The following PPARGC1A variants were observed in gnomAD, a reference collection of about 807,000 sequenced individuals.
PPARGC1A encodes PPARG coactivator 1 alpha.
In PPARGC1A, 25 loss-of-function variants were observed where a neutral mutation model predicts 88.7. That is an observed-to-expected ratio of 0.28 (90% CI 0.21 to 0.39). PPARGC1A has a LOEUF of 0.39. PPARGC1A is among the 10% of genes least tolerant of loss of function. The pLI, the probability that PPARGC1A is intolerant of heterozygous loss-of-function variation, is 1.00. For missense variants in PPARGC1A, 880 were observed against 968.7 expected (o/e 0.91, Z 1.22); for synonymous variants, 363 against 355.6 (o/e 1.02, Z -0.24).
chr4:24,089,500 C>A, the PPARGC1A span, among the ~76,000 whole-genome samples: 1 of 94,296 alleles, frequency 1.1e-5, no homozygotes, highest in Non-Finnish European at 2.2e-5. Flanking sequence ...CTTTTCTTTT[C>A]TTTTCTTTTC....
the PPARGC1A span, among the ~76,000 whole-genome samples, chr4:24,204,673 T>TG: frequency 6.6e-6 from 1 of 152,136 alleles, no homozygotes. Context: ...ACCCTTCCTT[T>TG]GCGACTCAGT....
At chr4:24,241,301 G>T in the PPARGC1A span, among the ~76,000 whole-genome samples, 1 of 152,138 alleles carries the variant, frequency 6.6e-6, no homozygotes. Flanking sequence ...ATTTAGGAAA[G>T]AATGAACTTG....
At chr4:24,211,013 A>G in the PPARGC1A span, among the ~76,000 whole-genome samples, 1 of 152,194 alleles carries the variant, frequency 6.6e-6, no homozygotes, top group African/African-American at 2.4e-5. Flanking sequence ...TGTAATGAAT[A>G]TTATCTCCTT....
chr4:24,331,219 A>G, the PPARGC1A span, among the ~76,000 whole-genome samples: 1 of 152,162 alleles, frequency 6.6e-6, no homozygotes, highest in Non-Finnish European at 1.5e-5. Flanking sequence ...CTCCAGCCAT[A>G]CTGGCCAAGC....
chr4:23,809,711 A>AT (rs1424651525), intron 10 of PPARGC1A, among the ~76,000 whole-genome samples: 4 of 152,274 alleles, frequency 2.6e-5, no homozygotes, highest in African/African-American at 4.8e-5. Flanking sequence ...ATTTTACACT[A>AT]TTTTTTTATA....
chr4:24,373,160 C>T, the PPARGC1A span, among the ~76,000 whole-genome samples: 1 of 152,166 alleles, frequency 6.6e-6, no homozygotes, highest in Non-Finnish European at 1.5e-5. Context: ...CGGACTCCTG[C>T]GGCGTGAGCA....
the PPARGC1A span, among the ~76,000 whole-genome samples, chr4:24,144,088 A>G: frequency 2.0e-5 from 3 of 152,340 alleles, no homozygotes; most frequent in South Asian, 6.2e-4. Flanking sequence ...AGGAAGAATG[A>G]TTTCCCTGTA....
At chr4:24,077,300 G>A in the PPARGC1A span, among the ~76,000 whole-genome samples, 2 of 151,990 alleles carry the variant, frequency 1.3e-5, no homozygotes, top group Non-Finnish European at 2.9e-5. Context: ...GTGGCTTTCT[G>A]AGAAATTCAT....
At chr4:24,164,840 T>A in the PPARGC1A span, among the ~76,000 whole-genome samples, 1 of 151,996 alleles carries the variant, frequency 6.6e-6, no homozygotes, top group African/African-American at 2.4e-5. Flanking sequence ...AGAATTTCTA[T>A]AGGGGGAAGG....
At chr4:23,841,012 C>T (rs911511438) in intron 2 of PPARGC1A, among the ~76,000 whole-genome samples, 1 of 152,076 alleles carries the variant, frequency 6.6e-6, no homozygotes, top group African/African-American at 2.4e-5. Context: ...GAAATGAACT[C>T]CTAGGCAGTG....
At chr4:24,306,012 G>C in the PPARGC1A span, among the ~76,000 whole-genome samples, 1 of 152,132 alleles carries the variant, frequency 6.6e-6, no homozygotes, top group African/African-American at 2.4e-5. Flanking sequence ...GAAGAAATCT[G>C]AATGACACCA....
the PPARGC1A span, among the ~76,000 whole-genome samples, chr4:23,938,668 T>C: frequency 4.4e-3 from 671 of 152,034 alleles, 6 homozygotes; most frequent in African/African-American, 0.015. Flanking sequence ...CCAAATGGAG[T>C]GGTAGCACCA....
At chr4:23,880,356 A>C (rs1365813128) in intron 2 of PPARGC1A, among the ~76,000 whole-genome samples, 1 of 152,202 alleles carries the variant, frequency 6.6e-6, no homozygotes, top group Admixed American at 6.5e-5. Flanking sequence ...TACCTAACGC[A>C]GTTCATTCTA....
the PPARGC1A span, among the ~76,000 whole-genome samples, chr4:24,308,297 A>AGG: frequency 7.4e-6 from 1 of 135,592 alleles, no homozygotes; most frequent in East Asian, 2.1e-4. Context: ...GCCACCGAAA[A>AGG]AAAAAAAAAA....
chr4:24,136,340 T>C, the PPARGC1A span, among the ~76,000 whole-genome samples: 2 of 152,162 alleles, frequency 1.3e-5, no homozygotes, highest in Non-Finnish European at 2.9e-5. Context: ...TGTCCCACAG[T>C]TGGATTTCTG....
At chr4:24,035,945 A>G in the PPARGC1A span, among the ~76,000 whole-genome samples, 1 of 152,192 alleles carries the variant, frequency 6.6e-6, no homozygotes, top group Non-Finnish European at 1.5e-5. Flanking sequence ...GTTATCCCAG[A>G]GAATAGCTAC....
chr4:24,053,107 A>G, the PPARGC1A span, among the ~76,000 whole-genome samples: 1 of 150,660 alleles, frequency 6.6e-6, no homozygotes, highest in Non-Finnish European at 1.5e-5. Flanking sequence ...TCCTGACCTC[A>G]TGATCCGCCC....
chr4:23,943,229 G>A, the PPARGC1A span, among the ~76,000 whole-genome samples: 1 of 152,068 alleles, frequency 6.6e-6, no homozygotes, highest in Non-Finnish European at 1.5e-5. Flanking sequence ...TTAAGGGTAT[G>A]CCCACTACAT....
At chr4:23,842,701 T>C (rs1727279759) in intron 2 of PPARGC1A, among the ~76,000 whole-genome samples, 1 of 152,002 alleles carries the variant, frequency 6.6e-6, no homozygotes, top group Admixed American at 6.6e-5. Context: ...ATATGCCAAA[T>C]GTTTCTGGGA....
Sources: gnomAD v4.1 joint callset for allele counts (sites outside exome capture counted in the v4.1 genomes callset) on GRCh38, gnomAD v4.1.1 for gene constraint, MANE v1.5 for transcripts, NCBI Gene and HGNC (gene_info 2026-07-23, HGNC 2026-07-21) for gene names.